Variants in ZNF277 observed in about 807,000 individuals in gnomAD.
ZNF277 encodes zinc finger protein 277.
ZNF277 carries 55 observed loss-of-function variants against 60.7 expected under a neutral mutation model. The ratio of observed to expected loss-of-function variants is 0.91; its 90% CI spans 0.73 to 1.13. ZNF277 has a LOEUF of 1.13. Ranked by LOEUF, ZNF277 falls within the 50% of genes most tolerant of loss-of-function variation. The pLI, the probability that ZNF277 is intolerant of heterozygous loss-of-function variation, is 0.00. For missense variants in ZNF277, 510 were observed against 523.0 expected (o/e 0.98, Z 0.24); for synonymous variants, 178 against 179.3 (o/e 0.99, Z 0.06).
intron 2 of ZNF277, among the ~76,000 whole-genome samples, chr7:112,292,538 C>T (rs1426103970): frequency 6.6e-6 from 1 of 152,132 alleles, no homozygotes; most frequent in Non-Finnish European, 1.5e-5. Context: ...AAAAATGCTT[C>T]AACTCTCTAT....
At chr7:112,222,939 C>T (rs768061350) in intron 1 of ZNF277, among the ~76,000 whole-genome samples, 1 of 152,128 alleles carries the variant, frequency 6.6e-6, no homozygotes, top group African/African-American at 2.4e-5. Flanking sequence ...GAGAGACTGG[C>T]GTAGCCTCCC....
Position 112,252,545 on chromosome 7 carries a change from G to C in ZNF277, c.92-34328G>C, listed in dbSNP as rs755258041. On this transcript the variant is annotated intron_variant, in intron 1 of 11. Coordinates refer to ENST00000361822, the MANE Select transcript of ZNF277 (RefSeq NM_021994.3). ...TACATATATACCCGTGATGTCGCTA[G>C]GATAAAAATAACTTTGCCCAATTCC... is the stretch of plus-strand genomic sequence containing the variant. 9.1e-4 allele frequency among the ~76,000 whole-genome samples: 138 copies of C among 152,112 alleles called. 2 individuals are homozygous for C. Among genetic ancestry groups the C allele is most frequent in the Admixed American group, 1.2e-3 (19 of 15,272 alleles).
At chr7:112,220,358 ATGATTTT>A (rs1821993927) in intron 1 of ZNF277, among the ~76,000 whole-genome samples, 1 of 151,046 alleles carries the variant, frequency 6.6e-6, no homozygotes, top group Non-Finnish European at 1.5e-5. Flanking sequence ...AGAAATGCTG[ATGATTTT>A]TGCCTGTTGA....
At chr7:112,210,565 G>T (rs1311624332) in intron 1 of ZNF277, among the ~76,000 whole-genome samples, 1 of 149,334 alleles carries the variant, frequency 6.7e-6, no homozygotes, top group Non-Finnish European at 1.5e-5. Context: ...TCCGCCTCCC[G>T]GGTTCAAGTG....
chr7:112,339,790 C>A, intron 9 of ZNF277, 53 bp from the exon 10 acceptor site: 2 of 1,542,612 alleles, frequency 1.3e-6, no homozygotes, highest in Non-Finnish European at 1.8e-6. Flanking sequence ...ATAACTTCAG[C>A]CTGAAAGATT....
At chr7:112,313,047 CTT>C (rs1792767219) in intron 4 of ZNF277, among the ~76,000 whole-genome samples, 1 of 151,862 alleles carries the variant, frequency 6.6e-6, no homozygotes. Flanking sequence ...GTAGACTAAA[CTT>C]TATTAGAGTG....
intron 1 of ZNF277, among the ~76,000 whole-genome samples, chr7:112,214,400 C>T (rs1400621159): frequency 6.6e-6 from 1 of 152,220 alleles, no homozygotes; most frequent in Admixed American, 6.5e-5. Context: ...TTATCAGACT[C>T]TGAATGAGTT....
chr7:112,338,302 T>C (rs1238912073), intron 9 of ZNF277, among the ~76,000 whole-genome samples: 1 of 152,190 alleles, frequency 6.6e-6, no homozygotes, highest in Non-Finnish European at 1.5e-5. Flanking sequence ...AGTGTGGGCT[T>C]TCCCTTCTGG....
chr7:112,306,809 C>T (rs537392987), intron 4 of ZNF277, among the ~76,000 whole-genome samples: 14 of 152,092 alleles, frequency 9.2e-5, no homozygotes, highest in African/African-American at 3.1e-4. Flanking sequence ...ACACCAAATA[C>T]ATGCCTATAA....
chr7:112,207,626 T>C (rs1821580905), intron 1 of ZNF277, among the ~76,000 whole-genome samples: 1 of 152,206 alleles, frequency 6.6e-6, no homozygotes. Context: ...CTCTTTTACC[T>C]TTAGTCTATC....
At chr7:112,212,472 C>T (rs1821777352) in intron 1 of ZNF277, among the ~76,000 whole-genome samples, 1 of 152,148 alleles carries the variant, frequency 6.6e-6, no homozygotes, top group Non-Finnish European at 1.5e-5. Context: ...CGTATAATAC[C>T]TGTCTTGCAG....
At chr7:112,301,774 C>A (rs1792476073) in intron 4 of ZNF277, among the ~76,000 whole-genome samples, 1 of 150,812 alleles carries the variant, frequency 6.6e-6, no homozygotes, top group Non-Finnish European at 1.5e-5. Flanking sequence ...AATCTGTCTT[C>A]CTTACTAAGA....
At chr7:112,280,634 T>G (rs1483617811) in intron 1 of ZNF277, among the ~76,000 whole-genome samples, 1 of 151,870 alleles carries the variant, frequency 6.6e-6, no homozygotes, top group African/African-American at 2.4e-5. Context: ...CTATTGTCTT[T>G]TTTTTTTTTG....
At position 112,343,653 on chromosome 7, in the gene ZNF277, A is replaced by G. The variant is rs547169758; in HGVS notation, c.*924A>G. ...GTCAAATCCAAGTTTGAGGCTGGGC[A>G]CAGTAGCTCATATCTGTAATCCCAG... On this transcript the variant is annotated 3_prime_UTR_variant, in exon 12 of 12. Transcript: ENST00000361822. Among the ~76,000 whole-genome samples the G allele has an allele frequency of 1.3e-5, 2 of 152,274 alleles. No individual in the cohort carries two copies. Among genetic ancestry groups the G allele is most frequent in the East Asian group, 1.9e-4 (1 of 5,190 alleles).
At chr7:112,238,194 T>C (rs1349831303) in intron 1 of ZNF277, among the ~76,000 whole-genome samples, 2 of 152,018 alleles carry the variant, frequency 1.3e-5, no homozygotes, top group Non-Finnish European at 2.9e-5. Flanking sequence ...TTGTCTAATC[T>C]GTCTCTCCCC....
At chr7:112,306,300 C>T (rs546090854) in intron 4 of ZNF277, among the ~76,000 whole-genome samples, 3 of 151,500 alleles carry the variant, frequency 2.0e-5, no homozygotes, top group South Asian at 2.1e-4. Context: ...CTGCAGCCTC[C>T]GCCTTCCGAA....
intron 1 of ZNF277, among the ~76,000 whole-genome samples, chr7:112,265,813 T>C (rs138529967): frequency 9.9e-4 from 151 of 152,320 alleles, no homozygotes; most frequent in Middle Eastern, 3.4e-3. Flanking sequence ...TTCAAAACAC[T>C]ATAAGGGTTA....
At chr7:112,296,920 T>TA (rs1563219739) in intron 4 of ZNF277, among the ~76,000 whole-genome samples, 7 of 37,458 alleles carry the variant, frequency 1.9e-4, no homozygotes, top group South Asian at 9.4e-4. Context: ...TTATTTTTTT[T>TA]TTTTTTTTTT....
chr7:112,210,465 G>GTT (rs66533644), intron 1 of ZNF277, among the ~76,000 whole-genome samples: 2 of 132,684 alleles, frequency 1.5e-5, no homozygotes, highest in African/African-American at 5.5e-5. Context: ...TTTGTTTTTT[G>GTT]TTTTTTTTTT....
Sources: gnomAD v4.1 joint callset for allele counts (sites outside exome capture counted in the v4.1 genomes callset) on GRCh38, gnomAD v4.1.1 for gene constraint, MANE v1.5 for transcripts, NCBI Gene and HGNC (gene_info 2026-07-23, HGNC 2026-07-21) for gene names.